Variants in NKAIN3 observed in about 807,000 individuals in gnomAD.
The protein encoded by NKAIN3 is sodium/potassium transporting ATPase interacting 3, also known as sodium/potassium-transporting ATPase subunit beta-1-interacting protein 3.
Under a neutral mutation model 30.2 loss-of-function variants are expected in NKAIN3, and 25 were observed. That is an observed-to-expected ratio of 0.83 (90% CI 0.60 to 1.16). NKAIN3 has a LOEUF of 1.16. Among genes scored for constraint, NKAIN3 ranks in the 50% most tolerant of loss-of-function variants. The pLI, the probability that NKAIN3 is intolerant of heterozygous loss-of-function variation, is 0.00. For missense variants in NKAIN3, 225 were observed against 254.1 expected (o/e 0.89, Z 0.78); for synonymous variants, 91 against 89.6 (o/e 1.02, Z -0.09).
At chr8:62,941,075 T>A (rs1036492147) in intron 5 of NKAIN3, among the ~76,000 whole-genome samples, 5 of 151,854 alleles carry the variant, frequency 3.3e-5, no homozygotes, top group Non-Finnish European at 4.4e-5. Flanking sequence ...TGAGAGATAT[T>A]ACAAAGAATA....
chr8:62,359,562 C>G (rs778082640), intron 1 of NKAIN3, among the ~76,000 whole-genome samples: 2 of 152,188 alleles, frequency 1.3e-5, no homozygotes, highest in Non-Finnish European at 2.9e-5. Context: ...GAGACCATGT[C>G]TCCCATGCTC....
intron 3 of NKAIN3, among the ~76,000 whole-genome samples, chr8:62,627,119 A>G (rs1162810909): frequency 6.6e-6 from 1 of 152,162 alleles, no homozygotes; most frequent in African/African-American, 2.4e-5. Flanking sequence ...CAGAATACAC[A>G]ATCGTGAATG....
chr8:62,814,520 T>A (rs1033721075), intron 4 of NKAIN3, among the ~76,000 whole-genome samples: 2 of 151,922 alleles, frequency 1.3e-5, no homozygotes, highest in African/African-American at 2.4e-5. Context: ...ACAGAAATGA[T>A]AACAAACTGT....
At chr8:62,426,452 T>C (rs1267792012) in intron 1 of NKAIN3, among the ~76,000 whole-genome samples, 1 of 152,020 alleles carries the variant, frequency 6.6e-6, no homozygotes, top group Non-Finnish European at 1.5e-5. Flanking sequence ...CTGGAGTATT[T>C]ATGAAAACTC....
intron 3 of NKAIN3, among the ~76,000 whole-genome samples, chr8:62,604,380 C>T (rs1811063757): frequency 6.6e-6 from 1 of 152,144 alleles, no homozygotes; most frequent in South Asian, 2.1e-4. Flanking sequence ...ATACAGTACA[C>T]AGCTGTGTGT....
At chr8:62,350,640 C>G in intron 1 of NKAIN3, among the ~76,000 whole-genome samples, 1 of 152,136 alleles carries the variant, frequency 6.6e-6, no homozygotes, top group Middle Eastern at 3.4e-3. Context: ...ATATTTTAAT[C>G]ATCAAAAAAT....
intron 1 of NKAIN3, among the ~76,000 whole-genome samples, chr8:62,531,474 G>T (rs938410622): frequency 6.6e-6 from 1 of 152,098 alleles, no homozygotes; most frequent in African/African-American, 2.4e-5. Flanking sequence ...CTCCGTGCCT[G>T]TATTCTCAGT....
intron 3 of NKAIN3, among the ~76,000 whole-genome samples, chr8:62,635,443 C>T (rs919755051): frequency 1.3e-5 from 2 of 152,144 alleles, no homozygotes; most frequent in Non-Finnish European, 2.9e-5. Flanking sequence ...CTGGTGACCT[C>T]GGGAACTTCC....
At chr8:62,804,490 T>A (rs1412092948) in intron 4 of NKAIN3, among the ~76,000 whole-genome samples, 1 of 152,150 alleles carries the variant, frequency 6.6e-6, no homozygotes, top group Non-Finnish European at 1.5e-5. Context: ...GCAAGGCTGG[T>A]TCAATATACG....
At chr8:62,645,770 G>T (rs1018674247) in intron 3 of NKAIN3, among the ~76,000 whole-genome samples, 6 of 152,046 alleles carry the variant, frequency 3.9e-5, no homozygotes, top group African/African-American at 1.2e-4. Context: ...CTCAGCTACT[G>T]CTCTTATCAG....
At chr8:62,839,077 A>C (rs1404839035) in intron 4 of NKAIN3, among the ~76,000 whole-genome samples, 1 of 152,058 alleles carries the variant, frequency 6.6e-6, no homozygotes, top group African/African-American at 2.4e-5. Context: ...TCACACAGCT[A>C]TCTCTCTAAT....
chr8:62,799,965 T>G (rs1818000664), intron 4 of NKAIN3, among the ~76,000 whole-genome samples: 1 of 152,082 alleles, frequency 6.6e-6, no homozygotes, highest in South Asian at 2.1e-4. Flanking sequence ...AAACCAAATA[T>G]CATATGTTCT....
At chr8:62,860,095 T>G (rs184733788) in intron 4 of NKAIN3, among the ~76,000 whole-genome samples, 9 of 152,322 alleles carry the variant, frequency 5.9e-5, no homozygotes, top group Non-Finnish European at 1.0e-4. Flanking sequence ...AGGTGGGTAA[T>G]AGTGCTTGAC....
chr8:62,578,044 C>G (rs978801555), intron 1 of NKAIN3, among the ~76,000 whole-genome samples: 3 of 152,098 alleles, frequency 2.0e-5, no homozygotes, highest in Admixed American at 6.6e-5. Context: ...ATTTTCATTT[C>G]AAAGCTGCAG....
chr8:62,475,133 A>T (rs1806477551), intron 1 of NKAIN3, among the ~76,000 whole-genome samples: 1 of 152,202 alleles, frequency 6.6e-6, no homozygotes, highest in Non-Finnish European at 1.5e-5. Flanking sequence ...AACAGAAGGG[A>T]TAAAAAAAGA....
intron 3 of NKAIN3, among the ~76,000 whole-genome samples, chr8:62,599,221 G>A (rs1268007169): frequency 6.6e-6 from 1 of 152,068 alleles, no homozygotes. Context: ...CCCTGCAGCA[G>A]GCATTTGTTA....
chr8:62,433,063 A>G lies in NKAIN3; in HGVS notation c.55-146476A>G, dbSNP rs138295231. Among the ~76,000 whole-genome samples the G allele has an allele frequency of 3.0e-3, 462 of 152,312 alleles. 2 individuals are homozygous for G. The highest frequency in any genetic ancestry group is 0.011 in the African/African-American group (449 of 41,572). ...ATTAATTACTTTGCCAAAGCATTTT[A>G]TGTTTGTAAATGTTTAATAAATGTC... On this transcript the variant is annotated intron_variant, in intron 1 of 6. Transcript: ENST00000623646.
intron 3 of NKAIN3, among the ~76,000 whole-genome samples, chr8:62,717,653 AGTTTT>A (rs1312568251): frequency 6.6e-6 from 1 of 152,162 alleles, no homozygotes; most frequent in Non-Finnish European, 1.5e-5. Context: ...ACAAGTATTT[AGTTTT>A]ATTATTTGTT....
chr8:62,516,041 C>G (rs1034559922), intron 1 of NKAIN3, among the ~76,000 whole-genome samples: 1 of 151,902 alleles, frequency 6.6e-6, no homozygotes, highest in Non-Finnish European at 1.5e-5. Flanking sequence ...ACAAAAAGCC[C>G]CATTTTTTTT....
Sources: allele counts gnomAD v4.1 joint callset (sites outside exome capture counted in the v4.1 genomes callset), GRCh38; gene constraint gnomAD v4.1.1; transcripts MANE v1.5; gene names NCBI Gene and HGNC (gene_info 2026-07-23, HGNC 2026-07-21).